The following DR1 variants were observed in gnomAD, a reference collection of about 807,000 sequenced individuals.
DR1 encodes down-regulator of transcription 1.
DR1 carries 7 observed loss-of-function variants against 19.9 expected under a neutral mutation model. The ratio of observed to expected loss-of-function variants is 0.35; its 90% confidence interval spans 0.20 to 0.66. DR1 has a LOEUF of 0.66. Ranked by LOEUF, DR1 falls within the 30% of genes least tolerant of loss-of-function variation. The probability of loss-of-function intolerance (pLI) is 0.66; values close to 1 mark genes in which losing one functional copy is unlikely to be tolerated. For synonymous variants in DR1, 76 were observed against 72.5 expected (o/e 1.05, Z -0.24); for missense variants, 98 against 203.7 (o/e 0.48, Z 3.16).
intron 2 of DR1, among the ~76,000 whole-genome samples, chr1:93,359,800 A>T (rs1186706783): frequency 2.0e-5 from 3 of 152,184 alleles, no homozygotes; most frequent in African/African-American, 7.2e-5. Flanking sequence ...AATAGAGGAT[A>T]TATCAGATGA....
chr1:93,355,420 G>A (rs1454069856), intron 2 of DR1: 1 of 152,186 alleles, frequency 6.6e-6, no homozygotes, highest in Non-Finnish European at 1.5e-5. Context: ...GATTGAGTGG[G>A]AAAGATTGAC....
intron 2 of DR1, among the ~76,000 whole-genome samples, chr1:93,356,795 C>T (rs1037351923): frequency 2.7e-5 from 4 of 150,906 alleles, no homozygotes; most frequent in East Asian, 1.9e-4. Context: ...TATCTCGGCT[C>T]ATTGCAACCT....
Position 93,360,485 on chromosome 1 carries a change from G to GT in DR1, c.385-7dup, listed in dbSNP as rs1667038909. On this transcript the variant is annotated splice_region_variant and splice_polypyrimidine_tract_variant and intron_variant, in intron 2 of 2. Coordinates refer to ENST00000370272, the MANE Select transcript of DR1 (RefSeq NM_001938.3). Reference sequence around the variant, plus strand: ...ATTGTTATTTTTTTTTATGTTTTGGGTGTTTAGGCTAGACAGCAACAAGCA... The same window carrying GT: ...ATTGTTATTTTTTTTTATGTTTTGGGTTGTTTAGGCTAGACAGCAACAAGCA... 5 of 1,550,472 alleles carry GT rather than the reference G, an allele frequency of 3.2e-6. No individual in the cohort carries two copies. Among genetic ancestry groups the GT allele is most frequent in the Non-Finnish European group, 4.3e-6 (5 of 1,154,786 alleles).
chr1:93,346,165 C>G lies in DR1; in HGVS notation c.-481C>G, dbSNP rs1666831879. 4.4e-6 allele frequency: 1 copy of G among 225,138 alleles called. No individual in the cohort carries two copies. The highest frequency in any genetic ancestry group is 1.7e-4 in the East Asian group (1 of 6,006). The allele number at this position is 225,138 out of a possible 1,614,324, so 13.9% of individuals were successfully genotyped here. On this transcript the variant is annotated 5_prime_UTR_variant, in exon 1 of 3. Coordinates refer to ENST00000370272, the MANE Select transcript of DR1 (RefSeq NM_001938.3). ...TGTCTGAAGGATGGTTTGGCCGAGGCGGCGGCAACGGCTGCTGGCGGCGGC... is the reference window on the plus strand; with the variant it reads ...TGTCTGAAGGATGGTTTGGCCGAGGGGGCGGCAACGGCTGCTGGCGGCGGC...
At chr1:93,356,998 A>G (rs1169331531) in intron 2 of DR1, among the ~76,000 whole-genome samples, 2 of 152,200 alleles carry the variant, frequency 1.3e-5, no homozygotes, top group African/African-American at 4.8e-5. Flanking sequence ...CTGGGATTAC[A>G]GGCATGAGCC....
intron 2 of DR1, 52 bp downstream of exon 2, chr1:93,354,123 C>T (rs1461200979): frequency 2.0e-6 from 3 of 1,534,218 alleles, no homozygotes; most frequent in East Asian, 2.3e-5. Context: ...TGTTTGCTAA[C>T]TGAAATTGCT....
chr1:93,369,393 T>C lies in DR1; in HGVS notation c.*8754T>C, dbSNP rs955579320. Reference sequence around the variant, plus strand: ...TCTAAGGAAGCAGAGGTAATGTCTGTTACTATTTTCAGCTCCCTTTTTCTG... The same window carrying C: ...TCTAAGGAAGCAGAGGTAATGTCTGCTACTATTTTCAGCTCCCTTTTTCTG... On this transcript the variant is annotated 3_prime_UTR_variant, in exon 3 of 3. Transcript: ENST00000370272. 6.6e-6 allele frequency: 1 copy of C among 152,238 alleles called. No homozygotes were observed. The highest frequency in any genetic ancestry group is 1.5e-5 in the Non-Finnish European group (1 of 68,036). The allele number at this position is 152,238 out of a possible 1,614,324, so 9.4% of individuals were successfully genotyped here. A position where few individuals can be genotyped will look rare whatever the true frequency, so the allele number is the denominator to read the frequency against.
intron 2 of DR1, among the ~76,000 whole-genome samples, chr1:93,356,379 C>T (rs1557746747): frequency 6.6e-6 from 1 of 151,754 alleles, no homozygotes; most frequent in East Asian, 1.9e-4. Flanking sequence ...GTAGCTGGGA[C>T]TATAGATGTG....
At chr1:93,355,026 A>C (rs866968391) in intron 2 of DR1, 1 of 152,298 alleles carries the variant, frequency 6.6e-6, no homozygotes, top group African/African-American at 2.4e-5. Flanking sequence ...GCGTTAGTAC[A>C]TGCAATGTTA....
At position 93,368,239 on chromosome 1, in the gene DR1, C is replaced by T. The variant is rs1010939296; in HGVS notation, c.*7600C>T. 14 of 152,058 alleles carry T rather than the reference C, an allele frequency of 9.2e-5. No individual in the cohort carries two copies. The highest frequency in any genetic ancestry group is 1.4e-4 in the African/African-American group (6 of 41,380). 9.4% of individuals were successfully genotyped at this position (152,058 alleles called of 1,614,324 possible). A position where few individuals can be genotyped will look rare whatever the true frequency, so the allele number is the denominator to read the frequency against. On this transcript the variant is annotated 3_prime_UTR_variant, in exon 3 of 3. Coordinates refer to ENST00000370272, the MANE Select transcript of DR1 (RefSeq NM_001938.3). ...GTATTTTGTTTTACTTATGAAACTC[C>T]GTATTTTATGTATGATGTATTGAGT...
At chr1:93,358,118 G>T (rs1273198939) in intron 2 of DR1, among the ~76,000 whole-genome samples, 2 of 152,054 alleles carry the variant, frequency 1.3e-5, no homozygotes, top group Non-Finnish European at 2.9e-5. Context: ...TACAAAAATA[G>T]AAAGAAAGAG....
At chr1:93,354,803 A>G (rs1389218285) in intron 2 of DR1, among the ~76,000 whole-genome samples, 1 of 152,184 alleles carries the variant, frequency 6.6e-6, no homozygotes, top group Non-Finnish European at 1.5e-5. Context: ...AGCCATAACA[A>G]TCAGTTTGGT....
intron 1 of DR1, among the ~76,000 whole-genome samples, chr1:93,347,564 CT>C (rs1178792005): frequency 6.6e-6 from 1 of 151,474 alleles, no homozygotes; most frequent in African/African-American, 2.4e-5. Flanking sequence ...GTTTTGAAAT[CT>C]TTGATTGAAA....
Position 93,360,718 on chromosome 1 carries a change from G to C in DR1, c.*79G>C. 1 of 1,492,066 alleles carries C rather than the reference G, an allele frequency of 6.7e-7. No homozygotes were observed. Among genetic ancestry groups the C allele is most frequent in the Non-Finnish European group, 9.0e-7 (1 of 1,113,198 alleles). 92.4% of individuals were successfully genotyped at this position (1,492,066 alleles called of 1,614,324 possible). On this transcript the variant is annotated 3_prime_UTR_variant, in exon 3 of 3. Coordinates refer to ENST00000370272, the MANE Select transcript of DR1 (RefSeq NM_001938.3). ...AAAACAGTGAAAGAAATGCTTATCT[G>C]TAATTTTGTATGCATCTTGGTGGAC...
At chr1:93,358,368 G>C (rs1339652001) in intron 2 of DR1, among the ~76,000 whole-genome samples, 2 of 152,080 alleles carry the variant, frequency 1.3e-5, no homozygotes, top group East Asian at 3.9e-4. Context: ...GAAGAGAAAG[G>C]GTTTTCTCTT....
intron 1 of DR1, among the ~76,000 whole-genome samples, chr1:93,350,530 G>C (rs988002113): frequency 6.6e-6 from 1 of 152,154 alleles, no homozygotes; most frequent in African/African-American, 2.4e-5. Context: ...TGCATATGAA[G>C]TATAAAGTGA....
rs1026870299 is a variant in DR1, at chr1:93,366,827, CCCGTCT to C, written c.*6190_*6195del. On this transcript the variant is annotated 3_prime_UTR_variant, in exon 3 of 3. Coordinates refer to ENST00000370272, the MANE Select transcript of DR1 (RefSeq NM_001938.3). ...AACCAGCCTGGGTAATATGGTGAAA[CCCGTCT>C]CTACAGAAAAATTCAAAAATTAGCC... 1 of 152,044 alleles carries C rather than the reference CCCGTCT, an allele frequency of 6.6e-6. No homozygotes were observed. Among genetic ancestry groups the C allele is most frequent in the Non-Finnish European group, 1.5e-5 (1 of 68,040 alleles). The allele number at this position is 152,044 out of a possible 1,614,324, so 9.4% of individuals were successfully genotyped here.
In DR1 at chr1:93,346,816, T is replaced by G; in HGVS notation, c.171T>G (p.Ile57Met). The change falls in exon 1 of 3, where the codon ATT becomes ATG. Residue 57 changes from isoleucine to methionine, a missense_variant. By Grantham distance (10) the Ile-to-Met change is conservative (BLOSUM62 1). Transcript: ENST00000370272. ...IHLISSEANE[I>M]CNKSEKKTIS... ...TTATATCTTCTGAAGCCAATGAGAT[T>G]TGTAACAAATCGGAAAAGAAGACCA... 6.2e-7 allele frequency: 1 copy of G among 1,613,848 alleles called. No individual in the cohort carries two copies. Among genetic ancestry groups the G allele is most frequent in the Admixed American group, 1.7e-5 (1 of 59,976 alleles).
At position 93,369,299 on chromosome 1, in the gene DR1, T is replaced by C. The variant is rs1179032301; in HGVS notation, c.*8660T>C. 1 of 152,158 alleles carries C rather than the reference T, an allele frequency of 6.6e-6. No individual in the cohort carries two copies. The highest frequency in any genetic ancestry group is 6.5e-5 in the Admixed American group (1 of 15,286). 9.4% of individuals were successfully genotyped at this position (152,158 alleles called of 1,614,324 possible). On this transcript the variant is annotated 3_prime_UTR_variant, in exon 3 of 3. Coordinates refer to ENST00000370272, the MANE Select transcript of DR1 (RefSeq NM_001938.3). Reference sequence around the variant, plus strand: ...AAATGACCTTTATTTGAAGATCTTTTAAAAAAATTATAAGCCTGCCTGAGG... The same window carrying C: ...AAATGACCTTTATTTGAAGATCTTTCAAAAAAATTATAAGCCTGCCTGAGG...
Sources: gnomAD v4.1 joint callset for allele counts (sites outside exome capture counted in the v4.1 genomes callset) on GRCh38, gnomAD v4.1.1 for gene constraint, MANE v1.5 for transcripts, NCBI Gene and HGNC (gene_info 2026-07-23, HGNC 2026-07-21) for gene names.